The following ARB2A variants were observed in gnomAD, a reference collection of about 807,000 sequenced individuals.
ARB2A encodes the protein ARB2 cotranscriptional regulator A.
the ARB2A span, among the ~76,000 whole-genome samples, chr5:93,858,113 G>A: frequency 2.0e-5 from 3 of 152,108 alleles, no homozygotes; most frequent in Admixed American, 6.5e-5. Context: ...TCCAAGAATC[G>A]TCTCCTGGTA....
chr5:93,755,034 T>C, the ARB2A span, among the ~76,000 whole-genome samples: 2 of 152,204 alleles, frequency 1.3e-5, no homozygotes, highest in African/African-American at 2.4e-5. Flanking sequence ...TTCAGTCCTA[T>C]AGAATTAGAA....
chr5:93,634,887 G>A, the ARB2A span, among the ~76,000 whole-genome samples: 2 of 152,064 alleles, frequency 1.3e-5, no homozygotes, highest in South Asian at 2.1e-4. Context: ...TGTTTCTCCT[G>A]TATCAGCCTC....
the ARB2A span, among the ~76,000 whole-genome samples, chr5:93,923,314 T>C: frequency 1.6e-4 from 24 of 152,318 alleles, no homozygotes; most frequent in East Asian, 4.2e-3. Context: ...AGGCTACTAG[T>C]AAATTTGGGG....
the ARB2A span, among the ~76,000 whole-genome samples, chr5:94,103,106 T>C: frequency 6.6e-6 from 1 of 151,704 alleles, no homozygotes; most frequent in Non-Finnish European, 1.5e-5. Flanking sequence ...ATAAAGCAAC[T>C]ACAAAATTAA....
At chr5:93,688,880 T>C in the ARB2A span, among the ~76,000 whole-genome samples, 1 of 152,158 alleles carries the variant, frequency 6.6e-6, no homozygotes, top group Non-Finnish European at 1.5e-5. Context: ...ATTTTTTCCA[T>C]CTCCACTGCC....
chr5:93,923,156 GATCA>G, the ARB2A span, among the ~76,000 whole-genome samples: 1 of 151,718 alleles, frequency 6.6e-6, no homozygotes, highest in African/African-American at 2.4e-5. Context: ...ACTTAAAGTA[GATCA>G]GTCAATTTAT....
At chr5:93,717,880 G>T in the ARB2A span, among the ~76,000 whole-genome samples, 2 of 150,356 alleles carry the variant, frequency 1.3e-5, no homozygotes, top group African/African-American at 2.5e-5. Context: ...TGTCACACAG[G>T]CTGGAGTGCA....
chr5:94,055,203 C>A, the ARB2A span, among the ~76,000 whole-genome samples: 16,312 of 152,152 alleles, frequency 0.11, 990 homozygotes, highest in Middle Eastern at 0.16. Context: ...ATTTTTGTCT[C>A]ATCAATAAAT....
the ARB2A span, among the ~76,000 whole-genome samples, chr5:93,749,184 T>C: frequency 1.3e-5 from 2 of 152,218 alleles, no homozygotes; most frequent in African/African-American, 4.8e-5. Context: ...AGTCTCTCTT[T>C]TGATCATCCA....
chr5:93,914,810 G>A, the ARB2A span, among the ~76,000 whole-genome samples: 1 of 151,888 alleles, frequency 6.6e-6, no homozygotes, highest in Non-Finnish European at 1.5e-5. Flanking sequence ...GTGAATAACT[G>A]AGGGTTGTTC....
At chr5:93,844,239 T>G in the ARB2A span, among the ~76,000 whole-genome samples, 2 of 151,200 alleles carry the variant, frequency 1.3e-5, no homozygotes, top group Non-Finnish European at 2.9e-5. Context: ...AACTCAGGAG[T>G]TCAAGACCAG....
At chr5:93,934,930 C>CTGCATTTATATACTGCAATTATATA in the ARB2A span, among the ~76,000 whole-genome samples, 1 of 152,092 alleles carries the variant, frequency 6.6e-6, no homozygotes, top group Non-Finnish European at 1.5e-5. Context: ...TTTGCAGCAA[C>CTGCATTTATATACTGCAATTATATA]CTGGATGGAA....
the ARB2A span, among the ~76,000 whole-genome samples, chr5:93,953,335 T>C: frequency 2.0e-5 from 3 of 152,222 alleles, no homozygotes; most frequent in African/African-American, 4.8e-5. Flanking sequence ...GGGTATTGTG[T>C]TATATGTTTT....
At chr5:93,792,338 C>G in the ARB2A span, among the ~76,000 whole-genome samples, 1 of 151,962 alleles carries the variant, frequency 6.6e-6, no homozygotes, top group Non-Finnish European at 1.5e-5. Flanking sequence ...AAAACTAAGG[C>G]AGGCTCAGCG....
the ARB2A span, among the ~76,000 whole-genome samples, chr5:94,033,436 T>C: frequency 6.6e-6 from 1 of 152,086 alleles, no homozygotes; most frequent in South Asian, 2.1e-4. Context: ...GTGATTTTGT[T>C]TGTTTTGAGA....
chr5:93,841,049 C>T, the ARB2A span, among the ~76,000 whole-genome samples: 1 of 152,084 alleles, frequency 6.6e-6, no homozygotes, highest in African/African-American at 2.4e-5. Context: ...CTGGGAATGT[C>T]CATCAAAGTA....
the ARB2A span, among the ~76,000 whole-genome samples, chr5:94,008,653 T>A: frequency 6.6e-6 from 1 of 152,184 alleles, no homozygotes; most frequent in Admixed American, 6.5e-5. Flanking sequence ...AATTTGTGGC[T>A]AATAATAATT....
At chr5:93,983,910 A>G in the ARB2A span, among the ~76,000 whole-genome samples, 8 of 152,230 alleles carry the variant, frequency 5.3e-5, no homozygotes, top group African/African-American at 1.7e-4. Context: ...AGGTCAAGAA[A>G]GATAAAGAGA....
the ARB2A span, among the ~76,000 whole-genome samples, chr5:93,838,812 A>G: frequency 2.2e-4 from 33 of 152,282 alleles, no homozygotes; most frequent in African/African-American, 7.9e-4. Flanking sequence ...GGCAATTGTG[A>G]ATAGGACTGT....
Sources: allele counts gnomAD v4.1 joint callset (sites outside exome capture counted in the v4.1 genomes callset), GRCh38; gene constraint gnomAD v4.1.1; transcripts MANE v1.5; gene names NCBI Gene and HGNC (gene_info 2026-07-23, HGNC 2026-07-21).